TAF12: variants seen among roughly 807,000 people sequenced by gnomAD.
The protein encoded by TAF12 is TATA-box binding protein associated factor 12, also known as transcription initiation factor TFIID subunit 12.
In TAF12, 3 loss-of-function variants were observed where a neutral mutation model predicts 20.8. The ratio of observed to expected loss-of-function variants is 0.14; its 90% CI spans 0.07 to 0.37. The LOEUF (loss-of-function observed/expected upper bound fraction) is 0.37. TAF12 is among the 10% of genes least tolerant of loss of function. TAF12 has a pLI of 1.00. For synonymous variants in TAF12, 69 were observed against 70.2 expected (o/e 0.98, Z 0.09); for missense variants, 131 against 197.9 (o/e 0.66, Z 2.03).
intron 1 of TAF12, 116 bp from the exon 2 acceptor site, chr1:28,622,281 A>T: frequency 9.9e-7 from 1 of 1,011,540 alleles, no homozygotes; most frequent in Non-Finnish European, 1.2e-6. Flanking sequence ...GCACTTTGGG[A>T]GGCCCAGGTG....
intron 1 of TAF12, among the ~76,000 whole-genome samples, chr1:28,640,735 T>G (rs1668002217): frequency 6.6e-6 from 1 of 152,170 alleles, no homozygotes; most frequent in South Asian, 2.1e-4. Flanking sequence ...ACACACTTAT[T>G]TATGACTTTC....
chr1:28,636,136 G>C (rs147123176), intron 1 of TAF12, among the ~76,000 whole-genome samples: 1 of 152,276 alleles, frequency 6.6e-6, no homozygotes, highest in East Asian at 1.9e-4. Flanking sequence ...CAATAGAAAT[G>C]CAAGATTTTT....
intron 1 of TAF12, among the ~76,000 whole-genome samples, chr1:28,641,724 G>A (rs1403079573): frequency 1.3e-5 from 2 of 149,114 alleles, no homozygotes; most frequent in Admixed American, 1.4e-4. Flanking sequence ...AGCCTAGGAG[G>A]TTGGAGGTGC....
At chr1:28,624,445 C>T (rs1467759576) in intron 1 of TAF12, among the ~76,000 whole-genome samples, 1 of 152,190 alleles carries the variant, frequency 6.6e-6, no homozygotes, top group Non-Finnish European at 1.5e-5. Context: ...CACTGTCTGA[C>T]TTTCTAATAT....
chr1:28,629,980 C>T (rs144329190), intron 1 of TAF12, among the ~76,000 whole-genome samples: 217 of 152,204 alleles, frequency 1.4e-3, no homozygotes, highest in African/African-American at 4.8e-3. Flanking sequence ...TACTTTGTGG[C>T]CCAGGCTGGA....
At chr1:28,638,082 C>A (rs1268769317) in intron 1 of TAF12, among the ~76,000 whole-genome samples, 1 of 152,080 alleles carries the variant, frequency 6.6e-6, no homozygotes, top group Admixed American at 6.5e-5. Context: ...CTCACTGCAA[C>A]CTCTGCCTCC....
intron 4 of TAF12, among the ~76,000 whole-genome samples, chr1:28,612,108 G>A (rs564314053): frequency 6.6e-6 from 1 of 152,200 alleles, no homozygotes; most frequent in South Asian, 2.1e-4. Flanking sequence ...TCAATAATTA[G>A]TCATGGGCTG....
intron 5 of TAF12, among the ~76,000 whole-genome samples, chr1:28,603,797 A>T (rs1666579371): frequency 6.6e-6 from 1 of 152,156 alleles, no homozygotes; most frequent in South Asian, 2.1e-4. Context: ...CATCCACCAA[A>T]CTGCTCTAGG....
intron 1 of TAF12, among the ~76,000 whole-genome samples, chr1:28,637,755 G>C (rs1459923030): frequency 6.6e-6 from 1 of 152,134 alleles, no homozygotes; most frequent in African/African-American, 2.4e-5. Flanking sequence ...TTCAAAGTCT[G>C]TCTGCCTCCA....
chr1:28,643,222 G>A (rs1044683305), upstream of TAF12: 9 of 580,716 alleles, frequency 1.5e-5, no homozygotes, highest in East Asian at 2.8e-4. Context: ...GGTACACCCT[G>A]CAGCTTGCGC....
At chr1:28,641,753 C>T (rs1315999979) in intron 1 of TAF12, among the ~76,000 whole-genome samples, 2 of 146,274 alleles carry the variant, frequency 1.4e-5, no homozygotes, top group African/African-American at 2.6e-5. Flanking sequence ...AAGACTGAGC[C>T]GCTGCACTTC....
At chr1:28,615,452 G>A (rs1382823974) in intron 3 of TAF12, among the ~76,000 whole-genome samples, 2 of 151,804 alleles carry the variant, frequency 1.3e-5, no homozygotes, top group African/African-American at 4.8e-5. Flanking sequence ...GCCGAAGTGG[G>A]TGGATGACCT....
At chr1:28,608,592 A>G (rs559777431) in intron 4 of TAF12, among the ~76,000 whole-genome samples, 2 of 151,726 alleles carry the variant, frequency 1.3e-5, no homozygotes, top group East Asian at 3.9e-4. Flanking sequence ...CGTCTCGACT[A>G]AAAATACAAA....
At chr1:28,621,765 A>C in intron 2 of TAF12, 149 bp downstream of exon 2, 1 of 1,255,658 alleles carries the variant, frequency 8.0e-7, no homozygotes, top group Non-Finnish European at 1.1e-6. Context: ...ATTAAAACAA[A>C]CAAAAAAAGT....
At chr1:28,607,916 C>G (rs1428857231) in intron 4 of TAF12, among the ~76,000 whole-genome samples, 1 of 151,812 alleles carries the variant, frequency 6.6e-6, no homozygotes, top group Non-Finnish European at 1.5e-5. Flanking sequence ...GCGGATGGAT[C>G]ACTTGAGGCC....
chr1:28,613,989 C>T (rs910880273), intron 3 of TAF12, among the ~76,000 whole-genome samples: 2 of 152,184 alleles, frequency 1.3e-5, no homozygotes, highest in Admixed American at 1.3e-4. Flanking sequence ...CCTGTAACCC[C>T]AGCACTTTGG....
chr1:28,646,288 C>G (rs1321618834), upstream of TAF12: 10 of 151,978 alleles, frequency 6.6e-5, no homozygotes, highest in Non-Finnish European at 1.5e-5. Context: ...GGAAAAAAGA[C>G]AGAGAGAGAG....
Position 28,614,098 on chromosome 1 carries a change from C to T in TAF12, c.247-737G>A, listed in dbSNP as rs1053581322. Among the ~76,000 whole-genome samples the T allele has an allele frequency of 7.2e-5, 11 of 151,954 alleles. No individual in the cohort carries two copies. In the East Asian group the frequency reaches 1.7e-3, roughly 24 times the overall value. Reference sequence around the variant, plus strand: ...ACTAAAAATACAAAAATTAGCTGGGCGTGGTGGCACGTGCCTGTAGTCCCA... The same window carrying T: ...ACTAAAAATACAAAAATTAGCTGGGTGTGGTGGCACGTGCCTGTAGTCCCA... On this transcript the variant is annotated intron_variant, in intron 3 of 5. Coordinates refer to ENST00000373824, the MANE Select transcript of TAF12 (RefSeq NM_005644.4).
chr1:28,607,741 A>G (rs1002919836), intron 4 of TAF12, among the ~76,000 whole-genome samples: 1 of 151,860 alleles, frequency 6.6e-6, no homozygotes, highest in African/African-American at 2.4e-5. Flanking sequence ...TTGGGAGTCT[A>G]AGGCAGGAGG....
Sources: allele counts gnomAD v4.1 joint callset (sites outside exome capture counted in the v4.1 genomes callset), GRCh38; gene constraint gnomAD v4.1.1; transcripts MANE v1.5; gene names NCBI Gene and HGNC (gene_info 2026-07-23, HGNC 2026-07-21).